The following ZBBX variants were observed in gnomAD, a reference collection of about 807,000 sequenced individuals.
ZBBX encodes zinc finger B-box domain containing.
ZBBX carries 101 observed loss-of-function variants against 108.5 expected under a neutral mutation model. That is an observed-to-expected ratio of 0.93 (90% CI 0.79 to 1.10). The LOEUF is 1.10. Among genes scored for constraint, ZBBX ranks in the 50% least tolerant of loss-of-function variants. The pLI is 0.00. For synonymous variants in ZBBX, 356 were observed against 323.4 expected, an observed-to-expected ratio of 1.10 and a Z score of -1.08; for missense variants, 1,009 against 941.4, an observed-to-expected ratio of 1.07 and a Z score of -0.94.
chr3:167,206,432 T>A, the ZBBX span, among the ~76,000 whole-genome samples: 1 of 152,056 alleles, frequency 6.6e-6, no homozygotes, highest in Non-Finnish European at 1.5e-5. Flanking sequence ...TTGTGAATAA[T>A]GCTACAATGA....
At chr3:167,317,373 T>C (rs1000399629) in intron 13 of ZBBX, 115 bp downstream of exon 13, 56 of 747,548 alleles carry the variant, frequency 7.5e-5, no homozygotes, top group Middle Eastern at 3.2e-4. Flanking sequence ...AAAGATTACA[T>C]GGTACAACTG....
chr3:167,397,166 AT>A (rs1748266101), intron 1 of ZBBX, among the ~76,000 whole-genome samples: 1 of 148,260 alleles, frequency 6.7e-6, no homozygotes, highest in Non-Finnish European at 1.5e-5. Context: ...AAAAAAAAAA[AT>A]CTGACTCCTT....
intron 6 of ZBBX, among the ~76,000 whole-genome samples, chr3:167,363,061 G>A (rs1744776158): frequency 6.6e-6 from 1 of 152,000 alleles, no homozygotes; most frequent in Non-Finnish European, 1.5e-5. Flanking sequence ...AATCTGGCAT[G>A]TAAGCAGCAT....
intron 1 of ZBBX, among the ~76,000 whole-genome samples, chr3:167,403,636 A>G (rs748671782): frequency 6.6e-6 from 1 of 152,168 alleles, no homozygotes; most frequent in African/African-American, 2.4e-5. Context: ...GCTTAAGAGC[A>G]TTAAAAAACA....
At chr3:167,292,509 A>G (rs142769425) in intron 18 of ZBBX, among the ~76,000 whole-genome samples, 2,127 of 152,344 alleles carry the variant, frequency 0.014, 26 homozygotes, top group South Asian at 0.026. Context: ...CAATGAGAAC[A>G]AAGACATAAT....
downstream of ZBBX, among the ~76,000 whole-genome samples, chr3:167,236,279 G>A (rs1006720892): frequency 1.3e-5 from 2 of 151,684 alleles, no homozygotes; most frequent in Admixed American, 6.6e-5. Context: ...CTCACTGCAA[G>A]CATTCTGTAC....
chr3:167,311,366 AG>A (rs1222810564), intron 16 of ZBBX, among the ~76,000 whole-genome samples: 1 of 152,172 alleles, frequency 6.6e-6, no homozygotes, highest in East Asian at 1.9e-4. Flanking sequence ...AAGATAACAT[AG>A]GATAAAACAT....
the ZBBX span, among the ~76,000 whole-genome samples, chr3:167,180,899 G>A: frequency 6.6e-6 from 1 of 152,278 alleles, no homozygotes; most frequent in South Asian, 2.1e-4. Flanking sequence ...ATGGCTCTAA[G>A]ATCTGTCAAC....
chr3:167,275,224 T>A (rs1268654874), intron 20 of ZBBX, among the ~76,000 whole-genome samples: 1 of 152,110 alleles, frequency 6.6e-6, no homozygotes, highest in African/African-American at 2.4e-5. Context: ...TTCTTCTATG[T>A]TTACTTATGA....
chr3:167,399,315 G>A (rs1748345316), intron 1 of ZBBX, among the ~76,000 whole-genome samples: 1 of 152,018 alleles, frequency 6.6e-6, no homozygotes, highest in Non-Finnish European at 1.5e-5. Context: ...AAAGTTTTCA[G>A]AACTACTAAG....
the ZBBX span, among the ~76,000 whole-genome samples, chr3:167,220,864 A>G: frequency 6.6e-6 from 1 of 151,964 alleles, no homozygotes; most frequent in Middle Eastern, 3.2e-3. Flanking sequence ...GAACTGATAA[A>G]CACATTTAGA....
intron 8 of ZBBX, among the ~76,000 whole-genome samples, chr3:167,357,965 G>A (rs1052060352): frequency 1.3e-5 from 2 of 152,050 alleles, no homozygotes; most frequent in Non-Finnish European, 2.9e-5. Context: ...TCATAGGTGG[G>A]AATTGAACAA....
intron 20 of ZBBX, among the ~76,000 whole-genome samples, chr3:167,256,448 G>A (rs550570087): frequency 6.7e-6 from 1 of 148,988 alleles, no homozygotes; most frequent in Admixed American, 6.6e-5. Flanking sequence ...TATTATTTGA[G>A]TTACAAATAA....
At chr3:167,273,999 T>A (rs1011314416) in intron 20 of ZBBX, among the ~76,000 whole-genome samples, 4 of 152,178 alleles carry the variant, frequency 2.6e-5, no homozygotes, top group Admixed American at 1.3e-4. Context: ...GTCAAAGGAA[T>A]AGTTGAGCAA....
intron 17 of ZBBX, among the ~76,000 whole-genome samples, chr3:167,300,316 A>G (rs1265561058): frequency 1.3e-5 from 2 of 152,016 alleles, no homozygotes; most frequent in African/African-American, 2.4e-5. Context: ...ACCTAACACT[A>G]TTTTATTACT....
At chr3:167,366,546 C>G (rs990002135) in intron 5 of ZBBX, among the ~76,000 whole-genome samples, 1 of 151,778 alleles carries the variant, frequency 6.6e-6, no homozygotes, top group African/African-American at 2.4e-5. Flanking sequence ...GTCCAATTAT[C>G]ATTAAAAAAT....
At chr3:167,293,348 C>T (rs1731052642) in intron 18 of ZBBX, among the ~76,000 whole-genome samples, 1 of 151,784 alleles carries the variant, frequency 6.6e-6, no homozygotes. Context: ...AGTTTATCCA[C>T]AATCAAGTCG....
the ZBBX span, among the ~76,000 whole-genome samples, chr3:167,210,665 G>GA: frequency 1.3e-5 from 2 of 151,660 alleles, no homozygotes; most frequent in Non-Finnish European, 1.5e-5. Flanking sequence ...AGCAGCAAGA[G>GA]AAAAAAAATA....
At chr3:167,305,204 T>A (rs2108225995) in intron 17 of ZBBX, among the ~76,000 whole-genome samples, 1 of 152,270 alleles carries the variant, frequency 6.6e-6, no homozygotes, top group Middle Eastern at 3.4e-3. Context: ...CCTGAAAGAA[T>A]TACCTTCTTC....
Sources: gnomAD v4.1 joint callset for allele counts (sites outside exome capture counted in the v4.1 genomes callset) on GRCh38, gnomAD v4.1.1 for gene constraint, MANE v1.5 for transcripts, NCBI Gene and HGNC (gene_info 2026-07-23, HGNC 2026-07-21) for gene names.